Variants in DYSF observed in about 807,000 individuals in gnomAD.
The protein encoded by DYSF is dystrophy-associated fer-1-like 1.
DYSF carries 212 observed loss-of-function variants against 274.9 expected under a neutral mutation model. The ratio of observed to expected loss-of-function variants is 0.77; its 90% CI spans 0.69 to 0.86. The LOEUF is 0.86. DYSF is among the 40% of genes least tolerant of loss of function. The pLI, the probability that DYSF is intolerant of heterozygous loss-of-function variation, is 0.00. For missense variants in DYSF, 2,666 were observed against 2,783.2 expected (o/e 0.96, Z 0.95); for synonymous variants, 1,091 against 1,078.7 (o/e 1.01, Z -0.22).
At chr2:71,493,262 A>G (rs1021057116) in intron 3 of DYSF, among the ~76,000 whole-genome samples, 14 of 152,282 alleles carry the variant, frequency 9.2e-5, no homozygotes, top group Admixed American at 2.6e-4. Flanking sequence ...TTTTCATTTC[A>G]TAGCAATTTC....
At chr2:71,606,567 C>T (rs1159212493) in intron 36 of DYSF, among the ~76,000 whole-genome samples, 1 of 151,920 alleles carries the variant, frequency 6.6e-6, no homozygotes, top group Non-Finnish European at 1.5e-5. Flanking sequence ...GTGGGCTGGA[C>T]CAGAAAAAAA....
At chr2:71,608,151 A>G (rs565173446) in intron 36 of DYSF, among the ~76,000 whole-genome samples, 3 of 152,056 alleles carry the variant, frequency 2.0e-5, no homozygotes, top group African/African-American at 4.8e-5. Flanking sequence ...AGGGGTGCTG[A>G]GGGCAGAAGC....
intron 4 of DYSF, among the ~76,000 whole-genome samples, chr2:71,507,309 C>G (rs2085585835): frequency 6.6e-6 from 1 of 152,188 alleles, no homozygotes; most frequent in Admixed American, 6.5e-5. Context: ...CAGGTGTGGC[C>G]CCTTCAAGTT....
At chr2:71,632,084 C>G (rs2094324443) in intron 41 of DYSF, among the ~76,000 whole-genome samples, 1 of 152,130 alleles carries the variant, frequency 6.6e-6, no homozygotes. Context: ...CTTGGCTTCC[C>G]TTGGAAATCT....
At chr2:71,547,715 G>A (rs1490000666) in intron 17 of DYSF, among the ~76,000 whole-genome samples, 3 of 152,210 alleles carry the variant, frequency 2.0e-5, no homozygotes, top group African/African-American at 4.8e-5. Context: ...AGGCTGCTTC[G>A]CAGCCACCCA....
At chr2:71,563,467 C>T (rs1380268695) in intron 23 of DYSF, among the ~76,000 whole-genome samples, 1 of 152,160 alleles carries the variant, frequency 6.6e-6, no homozygotes, top group African/African-American at 2.4e-5. Context: ...CAGCTGGGAG[C>T]AGTTGTCAAT....
At position 71,574,890 on chromosome 2, in the gene DYSF, A is replaced by G. The variant is rs2092649068; in HGVS notation, c.3402+519A>G. Among the ~76,000 whole-genome samples, 4 of 152,146 alleles carry G rather than the reference A, an allele frequency of 2.6e-5. No individual in the cohort carries two copies. In the South Asian group the frequency reaches 8.3e-4, roughly 31 times the overall value. On this transcript the variant is annotated intron_variant, in intron 30 of 55. Coordinates refer to ENST00000410020, the MANE Select transcript of DYSF (RefSeq NM_001130987.2). ...TTTCTGTAGCCAGTGGAACTGGGGT[A>G]GGCTCAAGGTTCTCCAGGGCCGGGG...
chr2:71,644,558 C>T (rs1057115185), intron 42 of DYSF, among the ~76,000 whole-genome samples: 55 of 152,104 alleles, frequency 3.6e-4, no homozygotes, highest in African/African-American at 1.2e-3. Context: ...AGAATGTACT[C>T]CTGACCCCTA....
At chr2:71,474,530 A>G (rs1000130144) in intron 1 of DYSF, among the ~76,000 whole-genome samples, 1 of 152,190 alleles carries the variant, frequency 6.6e-6, no homozygotes, top group Non-Finnish European at 1.5e-5. Flanking sequence ...ATGAGGAACT[A>G]TTTTCTTAAC....
Position 71,559,673 on chromosome 2 carries a change from C to T in DYSF, c.2217-2079C>T, listed in dbSNP as rs368603049. ...GCACATGCTGCTCCATCAGCCAGGA[C>T]GCCCTTCCCACTCTTTGGGCCTTAC... On this transcript the variant is annotated intron_variant, in intron 22 of 55. Transcript: ENST00000410020. Among the ~76,000 whole-genome samples the T allele has an allele frequency of 5.3e-5, 8 of 152,342 alleles. No homozygotes were observed. In the South Asian group the frequency reaches 1.0e-3, roughly 20 times the overall value.
chr2:71,600,605 T>G (rs1472028152), intron 33 of DYSF, 97 bp from the exon 34 acceptor site: 27 of 1,571,450 alleles, frequency 1.7e-5, no homozygotes, highest in Non-Finnish European at 2.4e-5. Context: ...CTGAGGCCCT[T>G]TCTAGTTCAG....
intron 4 of DYSF, among the ~76,000 whole-genome samples, chr2:71,506,275 A>G (rs954551632): frequency 1.3e-5 from 2 of 152,316 alleles, no homozygotes; most frequent in South Asian, 2.1e-4. Context: ...GGTCACAGCC[A>G]GGGAGGGTCT....
intron 54 of DYSF, among the ~76,000 whole-genome samples, chr2:71,681,952 A>G (rs1361080593): frequency 6.6e-6 from 1 of 152,228 alleles, no homozygotes; most frequent in African/African-American, 2.4e-5. Context: ...GTGAGACACC[A>G]GTGTGCAATC....
Position 71,676,122 on chromosome 2 carries a change from C to T in DYSF, c.5884+1826C>T, listed in dbSNP as rs538444024. On this transcript the variant is annotated intron_variant, in intron 52 of 55. Transcript: ENST00000410020. ...TCCAGGTTTCCCAATGTGAGTAACACCCTCGGCATATGCACATCCTTCGAT... is the reference window on the plus strand; with the variant it reads ...TCCAGGTTTCCCAATGTGAGTAACATCCTCGGCATATGCACATCCTTCGAT... Among the ~76,000 whole-genome samples, 9 of 152,246 alleles carry T rather than the reference C, an allele frequency of 5.9e-5. No individual in the cohort carries two copies. In the South Asian group the frequency reaches 1.9e-3, roughly 32 times the overall value.
chr2:71,535,381 C>A, intron 16 of DYSF, 70 bp downstream of exon 16: 2 of 1,453,364 alleles, frequency 1.4e-6, no homozygotes, highest in Non-Finnish European at 1.9e-6. Flanking sequence ...CAGTTTCATT[C>A]GGCTCAGTGA....
chr2:71,533,474 A>G (rs142690499), intron 14 of DYSF, among the ~76,000 whole-genome samples: 20 of 152,304 alleles, frequency 1.3e-4, no homozygotes, highest in African/African-American at 4.6e-4. Context: ...CTAGTACTCC[A>G]TTGTACGGAC....
Position 71,561,854 on chromosome 2 carries a change from C to T in DYSF, c.2319C>T (p.Ala773=), listed in dbSNP as rs2091792956. The T allele has an allele frequency of 2.5e-6, 4 of 1,614,144 alleles. No homozygotes were observed. The highest frequency in any genetic ancestry group is 3.4e-6 in the Non-Finnish European group (4 of 1,180,018). Residue 773 remains alanine (A), a synonymous_variant, in exon 23 of 56, where the codon GCC becomes GCT. Transcript: ENST00000410020. ...ACCTGAGCCAAATCACTGAGGCTGC[C>T]CTGGCCCTGAAGCTCGGCCACAGTG... ...THHLSQITEA[A]LALKLGHSEL... is the part of the protein sequence containing the mutation.
chr2:71,513,767 C>A lies in DYSF; in HGVS notation c.605C>A (p.Ala202Glu), dbSNP rs34999029. 19,609 of 1,614,130 alleles carry A rather than the reference C, an allele frequency of 0.012. 143 individuals carry two copies. The highest frequency in any genetic ancestry group is 0.024 in the Middle Eastern group (146 of 6,044). Residue 202 changes from alanine (A) to glutamate (E), a missense_variant, in exon 7 of 56, where the codon GCG (alanine) becomes GAG (glutamate). Ala to Glu is a moderately radical substitution (Grantham distance 107, BLOSUM62 -1). Transcript: ENST00000410020. ...GACCAGGGACTCACTGGAGATGAGGCGGAGCCATTCCTGGATCAAAGCGGA... is the reference window on the plus strand; with the variant it reads ...GACCAGGGACTCACTGGAGATGAGGAGGAGCCATTCCTGGATCAAAGCGGA... ...TEDQGLTGDE[A>E]EPFLDQSGGP...
chr2:71,658,953 G>C lies in DYSF; in HGVS notation c.4831G>C (p.Ala1611Pro). 6.2e-7 allele frequency: 1 copy of C among 1,614,036 alleles called. No individual in the cohort carries two copies. Among genetic ancestry groups the C allele is most frequent in the Non-Finnish European group, 8.5e-7 (1 of 1,180,000 alleles). ...CCCAAGACAGTTCCACCAGCTGGCCGCCCAGGGACCCCAGGAGTGCTTGGT... is the reference window on the plus strand; with the variant it reads ...CCCAAGACAGTTCCACCAGCTGGCCCCCCAGGGACCCCAGGAGTGCTTGGT... ...MPPRQFHQLA[A>P]QGPQECLVRI... The change falls in exon 44 of 56, where the codon GCC (alanine) becomes CCC (proline). Residue 1611 changes from alanine to proline, a missense_variant. Coordinates refer to ENST00000410020, the MANE Select transcript of DYSF (RefSeq NM_001130987.2).
Sources: allele counts gnomAD v4.1 joint callset (sites outside exome capture counted in the v4.1 genomes callset), GRCh38; gene constraint gnomAD v4.1.1; transcripts MANE v1.5; gene names NCBI Gene and HGNC (gene_info 2026-07-23, HGNC 2026-07-21).